Variants in WDFY3 observed in about 807,000 individuals in gnomAD.
WDFY3 encodes the protein WD repeat and FYVE domain containing 3.
A neutral mutation model predicts 409.6 loss-of-function variants in WDFY3; 66 were observed. The observed-to-expected ratio is 0.16, with a 90% CI of 0.13 to 0.20. WDFY3 has a LOEUF of 0.20. Among genes scored for constraint, WDFY3 ranks in the 10% least tolerant of loss-of-function variants. The pLI, the probability that WDFY3 is intolerant of heterozygous loss-of-function variation, is 1.00. For missense variants in WDFY3, 3,031 were observed against 4,298.1 expected, an observed-to-expected ratio of 0.71 and a Z score of 8.24; for synonymous variants, 1,521 against 1,537.1, an observed-to-expected ratio of 0.99 and a Z score of 0.25.
intron 8 of WDFY3, among the ~76,000 whole-genome samples, chr4:84,831,012 C>A (rs549683764): frequency 6.6e-6 from 1 of 151,908 alleles, no homozygotes; most frequent in Non-Finnish European, 1.5e-5. Flanking sequence ...GATGGTGAAA[C>A]CCTGTCTCTA....
rs937631901 is a variant in WDFY3, at chr4:84,671,295, C to T, written c.*1573G>A. 7.9e-5 allele frequency: 12 copies of T among 152,510 alleles called. No individual in the cohort carries two copies. Among genetic ancestry groups the T allele is most frequent in the Admixed American group, 1.3e-4 (2 of 15,260 alleles). 9.4% of individuals were successfully genotyped at this position (152,510 alleles called of 1,614,324 possible). On this transcript the variant is annotated 3_prime_UTR_variant, in exon 68 of 68. Transcript: ENST00000295888. ...GATGGAAAATTGGAAAAGCCAAAGC[C>T]GCTGTCCTTTGCATGATGCCTCTGT...
At chr4:84,881,972 A>G (rs1252359191) in intron 3 of WDFY3, among the ~76,000 whole-genome samples, 1 of 152,168 alleles carries the variant, frequency 6.6e-6, no homozygotes, top group Non-Finnish European at 1.5e-5. Context: ...TCGTATTTAT[A>G]CTCAACTATA....
chr4:84,886,567 GAC>G (rs1437495045), intron 3 of WDFY3: 1 of 150,176 alleles, frequency 6.7e-6, no homozygotes, highest in Non-Finnish European at 1.5e-5. Flanking sequence ...TTAATCCTCT[GAC>G]ACAAAAAAAA....
intron 5 of WDFY3, among the ~76,000 whole-genome samples, chr4:84,845,530 T>C (rs1048564843): frequency 1.3e-5 from 2 of 152,098 alleles, no homozygotes; most frequent in African/African-American, 4.8e-5. Context: ...GTTAACAGTC[T>C]GTACTGCACA....
At chr4:84,817,256 C>T (rs180918449) in intron 13 of WDFY3, 136 bp downstream of exon 13, 29 of 1,054,778 alleles carry the variant, frequency 2.7e-5, no homozygotes, top group Admixed American at 1.2e-4. Flanking sequence ...AAGTTCCTAA[C>T]GTGTACAAAG....
intron 1 of WDFY3, among the ~76,000 whole-genome samples, chr4:84,963,269 CA>C (rs1196507910): frequency 3.3e-5 from 5 of 151,518 alleles, no homozygotes; most frequent in Admixed American, 2.0e-4. Context: ...ACTAAAAATA[CA>C]AAAATTAGCC....
intron 32 of WDFY3, among the ~76,000 whole-genome samples, chr4:84,761,354 G>A (rs1177860676): frequency 6.6e-6 from 1 of 152,044 alleles, no homozygotes; most frequent in African/African-American, 2.4e-5. Flanking sequence ...CAATTCCTGG[G>A]TATCCTTGTT....
chr4:84,818,361 T>C (rs1753609321), intron 12 of WDFY3, among the ~76,000 whole-genome samples: 1 of 152,182 alleles, frequency 6.6e-6, no homozygotes, highest in Admixed American at 6.5e-5. Flanking sequence ...GTAATTCTTC[T>C]ATCCCTTACG....
intron 16 of WDFY3, among the ~76,000 whole-genome samples, chr4:84,802,715 T>C (rs1000913431): frequency 3.3e-5 from 5 of 152,244 alleles, no homozygotes; most frequent in Non-Finnish European, 5.9e-5. Context: ...CTGGACTCTA[T>C]TCTCTTCCAA....
At position 84,751,691 on chromosome 4, in the gene WDFY3, C is replaced by T; in HGVS notation, c.5765G>A (p.Gly1922Glu). Residue 1922 changes from glycine to glutamate, a missense_variant, in exon 36 of 68, where the codon GGA (glycine) becomes GAA (glutamate). By Grantham distance (98) the Gly-to-Glu change is moderately conservative (BLOSUM62 -2). This residue lies in a region of WDFY3 where 314 missense variants were observed against 397.4 expected (regional missense o/e 0.79). Coordinates refer to ENST00000295888, the MANE Select transcript of WDFY3 (RefSeq NM_014991.6). ...EMVTDLDDEV[G>E]SPAEEFKAFA... is the part of the protein sequence containing the mutation. ...CGCTTTAAACTCTTCTGCTGGAGAT[C>T]CAACTTCATCATCAAGGTCAGTCAC... 1 of 1,614,130 alleles carries T rather than the reference C, an allele frequency of 6.2e-7. No homozygotes were observed. The highest frequency in any genetic ancestry group is 1.1e-5 in the South Asian group (1 of 91,088).
intron 47 of WDFY3, 45 bp from the exon 48 acceptor site, chr4:84,718,615 AAG>A: frequency 6.3e-7 from 1 of 1,584,844 alleles, no homozygotes; most frequent in Admixed American, 1.9e-5. Context: ...GCTTTTTGTA[AAG>A]ATCAATTTTT....
chr4:84,773,098 A>G (rs1026875314), intron 29 of WDFY3, among the ~76,000 whole-genome samples, 169 bp from the exon 30 acceptor site: 1 of 151,270 alleles, frequency 6.6e-6, no homozygotes, highest in African/African-American at 2.4e-5. Flanking sequence ...GCATGTTCTG[A>G]TCATCTGGAG....
chr4:84,697,280 T>A (rs148811749), intron 56 of WDFY3, among the ~76,000 whole-genome samples: 6 of 152,234 alleles, frequency 3.9e-5, no homozygotes, highest in African/African-American at 9.6e-5. Context: ...ACTGTAGATA[T>A]CTGTAATACA....
intron 12 of WDFY3, 136 bp downstream of exon 12, chr4:84,819,949 G>A: frequency 5.9e-6 from 4 of 678,138 alleles, no homozygotes; most frequent in Non-Finnish European, 9.4e-6. Context: ...GCATTTTTAG[G>A]GACATGACGG....
At position 84,709,155 on chromosome 4, in the gene WDFY3, C is replaced by CT. The variant is rs930490474; in HGVS notation, c.8098-128dup. 159 of 1,419,880 alleles carry CT rather than the reference C, an allele frequency of 1.1e-4. No individual in the cohort carries two copies. In the Middle Eastern group the frequency reaches 1.8e-3, roughly 16 times the overall value. 88.0% of individuals were successfully genotyped at this position (1,419,880 alleles called of 1,614,324 possible). A position where few individuals can be genotyped will look rare whatever the true frequency, so the allele number is the denominator to read the frequency against. On this transcript the variant is annotated intron_variant, in intron 52 of 67. Coordinates refer to ENST00000295888, the MANE Select transcript of WDFY3 (RefSeq NM_014991.6). The stretch of plus-strand genomic sequence containing the variant: ...TAACAGATTTCAGAACAATGAAATA[C>CT]TTTTTTTTCTAAAAAGAATGAAAAT...
intron 2 of WDFY3, among the ~76,000 whole-genome samples, chr4:84,928,766 T>C (rs1770340907): frequency 6.6e-6 from 1 of 152,290 alleles, no homozygotes; most frequent in South Asian, 2.1e-4. Flanking sequence ...ACTCTTAAAT[T>C]TTTTTAGGGA....
chr4:84,965,614 C>CTAGTA (rs1775543866), intron 1 of WDFY3: 1 of 152,276 alleles, frequency 6.6e-6, no homozygotes, highest in Non-Finnish European at 1.5e-5. Context: ...CACCACATCC[C>CTAGTA]CAGTACAAGA....
At position 84,883,543 on chromosome 4, in the gene WDFY3, T is replaced by G. The variant is rs534037445; in HGVS notation, c.-32+13368A>C. Among the ~76,000 whole-genome samples the G allele has an allele frequency of 2.0e-5, 3 of 152,328 alleles. No homozygotes were observed. In the South Asian group the frequency reaches 6.2e-4, roughly 32 times the overall value. On this transcript the variant is annotated intron_variant, in intron 3 of 67. Transcript: ENST00000295888. ...GCAGTGAGGAACTATTTCCTAGGCT[T>G]ATTTATTTTTATAACATTCCATAAT...
chr4:84,946,711 G>A (rs536515664), intron 1 of WDFY3, among the ~76,000 whole-genome samples: 1 of 152,186 alleles, frequency 6.6e-6, no homozygotes, highest in African/African-American at 2.4e-5. Flanking sequence ...CCAGCACCGA[G>A]GTATATTCCT....
Sources: gnomAD v4.1 joint callset for allele counts (sites outside exome capture counted in the v4.1 genomes callset) on GRCh38, gnomAD v4.1.1 for gene constraint, gnomAD v4.1.1 regional missense constraint, MANE v1.5 for transcripts, NCBI Gene and HGNC (gene_info 2026-07-23, HGNC 2026-07-21) for gene names.